The following ERN1 variants were observed in gnomAD, a reference collection of about 807,000 sequenced individuals.
ERN1 encodes serine/threonine-protein kinase/endoribonuclease IRE1.
ERN1 carries 39 observed loss-of-function variants against 113.1 expected under a neutral mutation model. The observed-to-expected ratio is 0.34, with a 90% CI of 0.27 to 0.45. ERN1 has a LOEUF of 0.45. Ranked by LOEUF, ERN1 falls within the 20% of genes least tolerant of loss-of-function variation. The pLI is 1.00. For missense variants in ERN1, 976 were observed against 1,274.8 expected (o/e 0.77, Z 3.57); for synonymous variants, 507 against 515.9 (o/e 0.98, Z 0.23).
At chr17:64,077,115 G>A (rs1288776264) in intron 4 of ERN1, among the ~76,000 whole-genome samples, 1 of 152,202 alleles carries the variant, frequency 6.6e-6, no homozygotes, top group Non-Finnish European at 1.5e-5. Flanking sequence ...GGAGAGCAGT[G>A]TTGAAGGTGA....
chr17:64,116,920 C>T (rs143878431), intron 1 of ERN1, among the ~76,000 whole-genome samples: 1,808 of 142,338 alleles, frequency 0.013, 33 homozygotes, highest in African/African-American at 0.046. Context: ...CTGGCTAACA[C>T]GGTGAAACCC....
At chr17:64,122,149 G>A (rs1269686089) in intron 1 of ERN1, among the ~76,000 whole-genome samples, 1 of 152,166 alleles carries the variant, frequency 6.6e-6, no homozygotes, top group African/African-American at 2.4e-5. Context: ...TCAAAGGGAG[G>A]TAGGAGGATC....
intron 2 of ERN1, among the ~76,000 whole-genome samples, chr17:64,094,715 A>G: frequency 6.6e-6 from 1 of 151,792 alleles, no homozygotes; most frequent in African/African-American, 2.4e-5. Context: ...GCTCTTGCTC[A>G]AATGACACCT....
chr17:64,064,639 G>T (rs1010331821), intron 9 of ERN1, among the ~76,000 whole-genome samples: 1 of 152,218 alleles, frequency 6.6e-6, no homozygotes, highest in Non-Finnish European at 1.5e-5. Flanking sequence ...GCATTGTAGG[G>T]ATCAGGACAA....
chr17:64,126,833 T>A (rs1296973497), intron 1 of ERN1, among the ~76,000 whole-genome samples: 1 of 151,968 alleles, frequency 6.6e-6, no homozygotes, highest in Non-Finnish European at 1.5e-5. Flanking sequence ...TATACACACA[T>A]GATCCTCAGT....
intron 18 of ERN1, 60 bp from the exon 19 acceptor site, chr17:64,048,045 A>C (rs1912568330): frequency 6.9e-7 from 1 of 1,447,918 alleles, no homozygotes; most frequent in African/African-American, 1.4e-5. Context: ...GTGAAATACC[A>C]AAAACTTTAA....
At chr17:64,086,044 C>G (rs778969463) in intron 2 of ERN1, among the ~76,000 whole-genome samples, 1 of 152,220 alleles carries the variant, frequency 6.6e-6, no homozygotes, top group Non-Finnish European at 1.5e-5. Flanking sequence ...TGTCTTCACA[C>G]TCATAGATTT....
chr17:64,120,891 C>A (rs1914938115), intron 1 of ERN1, among the ~76,000 whole-genome samples: 1 of 152,184 alleles, frequency 6.6e-6, no homozygotes, highest in African/African-American at 2.4e-5. Flanking sequence ...TATAATACAG[C>A]CCCTTTATTG....
intron 10 of ERN1, among the ~76,000 whole-genome samples, chr17:64,062,522 T>C (rs1316568922): frequency 1.3e-5 from 2 of 152,250 alleles, no homozygotes; most frequent in Non-Finnish European, 2.9e-5. Flanking sequence ...ATAGATTCCT[T>C]ATACTTTGCT....
At chr17:64,127,317 CA>C (rs1237545885) in intron 1 of ERN1, among the ~76,000 whole-genome samples, 1 of 152,012 alleles carries the variant, frequency 6.6e-6, no homozygotes, top group African/African-American at 2.4e-5. Flanking sequence ...GTATAACATT[CA>C]AAAAATGATG....
chr17:64,123,777 T>C (rs1401776884), intron 1 of ERN1, among the ~76,000 whole-genome samples: 1 of 152,058 alleles, frequency 6.6e-6, no homozygotes, highest in East Asian at 1.9e-4. Context: ...CATATCTGTG[T>C]AGTGAAAAAA....
chr17:64,055,559 G>T (rs957805428), intron 13 of ERN1, 116 bp downstream of exon 13: 14 of 992,876 alleles, frequency 1.4e-5, no homozygotes, highest in Admixed American at 9.7e-5. Context: ...GAAGTTAGAG[G>T]AGAACACAGT....
intron 1 of ERN1, among the ~76,000 whole-genome samples, chr17:64,119,175 G>C (rs982577296): frequency 6.6e-6 from 1 of 151,724 alleles, no homozygotes; most frequent in African/African-American, 2.4e-5. Context: ...GCATAAGTCG[G>C]GTAACTTTAA....
chr17:64,075,703 A>C (rs1913571714), intron 4 of ERN1, among the ~76,000 whole-genome samples: 1 of 152,246 alleles, frequency 6.6e-6, no homozygotes, highest in Non-Finnish European at 1.5e-5. Flanking sequence ...TCTCCTGTCC[A>C]GGGTGCTTCC....
intron 1 of ERN1, among the ~76,000 whole-genome samples, chr17:64,125,439 T>C (rs1915055463): frequency 6.6e-6 from 1 of 152,178 alleles, no homozygotes; most frequent in South Asian, 2.1e-4. Context: ...TGATCAGTTA[T>C]AACCCCAGTC....
intron 11 of ERN1, 115 bp from the exon 12 acceptor site, chr17:64,058,108 T>G: frequency 1.2e-6 from 1 of 800,520 alleles, no homozygotes; most frequent in Non-Finnish European, 1.9e-6. Context: ...CTGCAGGGGG[T>G]TTTATTTGTT....
chr17:64,058,217 C>T (rs1912941471), intron 11 of ERN1, among the ~76,000 whole-genome samples: 1 of 152,136 alleles, frequency 6.6e-6, no homozygotes, highest in South Asian at 2.1e-4. Flanking sequence ...TATCATTATT[C>T]AAAAATAGTT....
intron 1 of ERN1, among the ~76,000 whole-genome samples, chr17:64,117,915 G>A (rs148935915): frequency 3.3e-5 from 5 of 152,192 alleles, no homozygotes; most frequent in Non-Finnish European, 7.4e-5. Flanking sequence ...GAGGGCGGGG[G>A]TCTTTGTTTT....
At chr17:64,095,056 T>C (rs1258202098) in intron 2 of ERN1, among the ~76,000 whole-genome samples, 4 of 152,190 alleles carry the variant, frequency 2.6e-5, no homozygotes, top group East Asian at 1.9e-4. Context: ...AATCTTTGTA[T>C]AGAAATATAA....
Sources: allele counts gnomAD v4.1 joint callset (sites outside exome capture counted in the v4.1 genomes callset), GRCh38; gene constraint gnomAD v4.1.1; transcripts MANE v1.5; gene names NCBI Gene and HGNC (gene_info 2026-07-23, HGNC 2026-07-21).